GPAT3: variants seen among roughly 807,000 people sequenced by gnomAD.
GPAT3 encodes the protein glycerol-3-phosphate acyltransferase 3.
A neutral mutation model predicts 58.8 loss-of-function variants in GPAT3; 53 were observed. The ratio of observed to expected loss-of-function variants is 0.90; its 90% confidence interval spans 0.72 to 1.13. GPAT3 has a LOEUF of 1.13. Among genes scored for constraint, GPAT3 ranks in the 50% most tolerant of loss-of-function variants. The probability of loss-of-function intolerance (pLI) is 0.00; values close to 1 mark genes in which losing one functional copy is unlikely to be tolerated. For synonymous variants in GPAT3, 197 were observed against 187.4 expected, an observed-to-expected ratio of 1.05 and a Z score of -0.42; for missense variants, 511 against 527.6, an observed-to-expected ratio of 0.97 and a Z score of 0.31.
chr4:83,603,440 T>C (rs1727138268), intron 11 of GPAT3, among the ~76,000 whole-genome samples: 1 of 152,148 alleles, frequency 6.6e-6, no homozygotes, highest in South Asian at 2.1e-4. Flanking sequence ...TTATTCGGAA[T>C]CTGTTTTGGA....
At chr4:83,565,797 A>G (rs1725360026) in intron 2 of GPAT3, among the ~76,000 whole-genome samples, 1 of 152,216 alleles carries the variant, frequency 6.6e-6, no homozygotes. Context: ...AGGCTTGCTC[A>G]TGCCCCGAGC....
intron 2 of GPAT3, among the ~76,000 whole-genome samples, chr4:83,573,932 T>A (rs188108243): frequency 1.3e-5 from 2 of 152,312 alleles, no homozygotes; most frequent in Admixed American, 6.5e-5. Context: ...CCCCTTCCAG[T>A]CTCTATGGGA....
intron 2 of GPAT3, among the ~76,000 whole-genome samples, chr4:83,551,662 C>A (rs1965464): frequency 6.6e-6 from 1 of 151,434 alleles, no homozygotes; most frequent in Non-Finnish European, 1.5e-5. Context: ...CGTGGTGGTG[C>A]GCCCCTATAG....
At chr4:83,603,647 G>A (rs148837825) in intron 11 of GPAT3, among the ~76,000 whole-genome samples, 216 of 151,936 alleles carry the variant, frequency 1.4e-3, no homozygotes, top group East Asian at 7.8e-3. Flanking sequence ...AAAATTAGCC[G>A]GGCCTGTTGG....
At position 83,596,895 on chromosome 4, in the gene GPAT3, A is replaced by G. The variant is rs750587967; in HGVS notation, c.892A>G (p.Ile298Val). ...EHIADKKKLP[I>V]LIFPEGTCIN... ...TATTGCTGATAAGAAGAAACTACCC[A>G]TACTAATTTTTCCTGAAGGTAAGAA... is the stretch of plus-strand genomic sequence containing the variant. The change falls in exon 8 of 12, where the codon ATA (isoleucine) becomes GTA (valine). Residue 298 changes from isoleucine to valine, a missense_variant. Physicochemically the swap from Ile to Val is conservative, Grantham distance 29 (BLOSUM62 3). Coordinates refer to ENST00000264409, the MANE Select transcript of GPAT3 (RefSeq NM_032717.5). 1.0e-5 allele frequency: 16 copies of G among 1,600,230 alleles called. No individual in the cohort carries two copies. The Middle Eastern group carries it at 5.0e-4, about 50-fold the overall frequency.
chr4:83,562,936 CA>C (rs1274869564), intron 2 of GPAT3, among the ~76,000 whole-genome samples: 4 of 152,140 alleles, frequency 2.6e-5, no homozygotes, highest in Non-Finnish European at 5.9e-5. Flanking sequence ...TCTTCAGAAA[CA>C]AAAACATTGA....
At chr4:83,595,946 A>G (rs1419836718) in intron 7 of GPAT3, among the ~76,000 whole-genome samples, 3 of 152,148 alleles carry the variant, frequency 2.0e-5, no homozygotes, top group Non-Finnish European at 4.4e-5. Flanking sequence ...ACGATTCCCT[A>G]TCTTGAGATC....
chr4:83,536,398 CA>C lies in GPAT3; in HGVS notation c.-224del. On this transcript the variant is annotated 5_prime_UTR_variant, in exon 1 of 12. Coordinates refer to ENST00000264409, the MANE Select transcript of GPAT3 (RefSeq NM_032717.5). ...TGGCTTCAGCCCAGACCTGGGCAGC[CA>C]GCGGAGAAAGAGTTAACTGGCAGGG... The C allele has an allele frequency of 7.5e-7, 1 of 1,335,600 alleles. No individual in the cohort carries two copies. The highest frequency in any genetic ancestry group is 3.5e-5 in the Admixed American group (1 of 28,984). The allele number at this position is 1,335,600 out of a possible 1,614,324, so 82.7% of individuals were successfully genotyped here.
chr4:83,536,789 G>A (rs1560597130), intron 1 of GPAT3, 26 bp downstream of exon 1: 8 of 1,584,038 alleles, frequency 5.1e-6, no homozygotes, highest in Non-Finnish European at 6.9e-6. Context: ...GATGCAGCCA[G>A]CCCCACACCG....
chr4:83,547,096 A>G (rs933806403), intron 2 of GPAT3, among the ~76,000 whole-genome samples: 1 of 152,028 alleles, frequency 6.6e-6, no homozygotes, highest in Non-Finnish European at 1.5e-5. Flanking sequence ...ACCAAAGTTT[A>G]GGCAAGGGTC....
chr4:83,550,202 G>T (rs369806913), intron 2 of GPAT3, among the ~76,000 whole-genome samples: 6 of 150,614 alleles, frequency 4.0e-5, no homozygotes, highest in East Asian at 3.9e-4. Flanking sequence ...ATATTTTAAA[G>T]AATTGAAAAA....
chr4:83,556,947 G>T (rs1174727947), intron 2 of GPAT3, among the ~76,000 whole-genome samples: 1 of 152,152 alleles, frequency 6.6e-6, no homozygotes, highest in Non-Finnish European at 1.5e-5. Flanking sequence ...CAGCTTCCTG[G>T]TTTGTACAGG....
At chr4:83,603,565 C>T (rs919899574) in intron 11 of GPAT3, among the ~76,000 whole-genome samples, 2 of 152,050 alleles carry the variant, frequency 1.3e-5, no homozygotes, top group Admixed American at 6.6e-5. Context: ...CTGAGGCAGG[C>T]AGATCACCTG....
chr4:83,550,502 G>A (rs949928958), intron 2 of GPAT3, among the ~76,000 whole-genome samples: 4 of 152,112 alleles, frequency 2.6e-5, no homozygotes, highest in African/African-American at 9.7e-5. Context: ...AACATTTGTC[G>A]AGATTTTGCC....
At chr4:83,603,286 T>G (rs898610567) in intron 11 of GPAT3, among the ~76,000 whole-genome samples, 1 of 152,210 alleles carries the variant, frequency 6.6e-6, no homozygotes, top group African/African-American at 2.4e-5. Context: ...TTTCTTTATG[T>G]GTAGTCCAAA....
intron 2 of GPAT3, among the ~76,000 whole-genome samples, chr4:83,566,412 T>TA (rs1159620773): frequency 7.5e-6 from 1 of 132,716 alleles, no homozygotes; most frequent in Non-Finnish European, 1.6e-5. Flanking sequence ...TTTAAAAAAT[T>TA]AATTAATTTA....
At chr4:83,587,665 AT>A (rs754584963) in intron 4 of GPAT3, among the ~76,000 whole-genome samples, 1 of 151,998 alleles carries the variant, frequency 6.6e-6, no homozygotes, top group African/African-American at 2.4e-5. Context: ...TGACCTTGTG[AT>A]TTGCTTTCCT....
At chr4:83,540,155 TAAAAAA>T (rs58697347) in intron 1 of GPAT3, among the ~76,000 whole-genome samples, 149 of 94,314 alleles carry the variant, frequency 1.6e-3, no homozygotes, top group African/African-American at 4.8e-3. Context: ...AGACTCCATC[TAAAAAA>T]AAAAAAAAAA....
At chr4:83,536,071 C>A, upstream of GPAT3, 1 of 985,444 alleles carries the variant, frequency 1.0e-6, no homozygotes, top group Non-Finnish European at 1.2e-6. Flanking sequence ...GCGAGGGCAG[C>A]GCGCAGAAAT....
Sources: gnomAD v4.1 joint callset for allele counts (sites outside exome capture counted in the v4.1 genomes callset) on GRCh38, gnomAD v4.1.1 for gene constraint, MANE v1.5 for transcripts, NCBI Gene and HGNC (gene_info 2026-07-23, HGNC 2026-07-21) for gene names.